ENTHD1: variants seen among roughly 807,000 people sequenced by gnomAD.
ENTHD1 encodes the protein ENTH domain-containing protein 1.
Under a neutral mutation model 39.1 loss-of-function variants are expected in ENTHD1, and 23 were observed. The ratio of observed to expected loss-of-function variants is 0.59; its 90% CI spans 0.42 to 0.83. The LOEUF is 0.83. Ranked by LOEUF, ENTHD1 falls within the 40% of genes least tolerant of loss-of-function variation. ENTHD1 has a pLI of 0.00. For synonymous variants in ENTHD1, 230 were observed against 258.2 expected, an observed-to-expected ratio of 0.89 and a Z score of 1.05; for missense variants, 624 against 705.4, an observed-to-expected ratio of 0.88 and a Z score of 1.31.
chr22:39,870,962 C>A (rs1412343229), intron 2 of ENTHD1, among the ~76,000 whole-genome samples: 1 of 151,898 alleles, frequency 6.6e-6, no homozygotes, highest in African/African-American at 2.4e-5. Flanking sequence ...CACTTGAGGC[C>A]AGGAGTTTGA....
At chr22:39,747,995 T>TCC (rs1429251508) in intron 6 of ENTHD1, among the ~76,000 whole-genome samples, 1 of 152,220 alleles carries the variant, frequency 6.6e-6, no homozygotes, top group Admixed American at 6.5e-5. Context: ...ACACCTGTAA[T>TCC]CCCAGCCCTT....
rs562698778 is a variant in ENTHD1 at position 39,799,489 on chromosome 22, G to A, written c.832+21504C>T. Among the ~76,000 whole-genome samples the A allele has an allele frequency of 1.1e-3, 161 of 152,238 alleles. 1 individual carries two copies. The highest frequency in any genetic ancestry group is 3.6e-3 in the African/African-American group (150 of 41,530). ...GTACACAGACACATTGAAAGGTGAG[G>A]AGGGCGGAATTTATTAAGTGAAAAG... On this transcript the variant is annotated intron_variant, in intron 5 of 6. Transcript: ENST00000325157.
At chr22:39,883,879 A>T (rs1286829626) in intron 2 of ENTHD1, among the ~76,000 whole-genome samples, 2 of 150,138 alleles carry the variant, frequency 1.3e-5, no homozygotes, top group Non-Finnish European at 3.0e-5. Context: ...AAAAAAAGAC[A>T]ATTCCATTTA....
intron 3 of ENTHD1, among the ~76,000 whole-genome samples, chr22:39,838,883 C>T (rs1447002156): frequency 6.6e-6 from 1 of 151,690 alleles, no homozygotes; most frequent in East Asian, 1.9e-4. Context: ...AAACATATGA[C>T]TTCAGAGAGA....
At chr22:39,852,214 C>T (rs1424754325) in intron 3 of ENTHD1, among the ~76,000 whole-genome samples, 9 of 151,112 alleles carry the variant, frequency 6.0e-5, no homozygotes, top group East Asian at 5.8e-4. Context: ...GGTGTGGTGG[C>T]GCATGCCTGC....
intron 6 of ENTHD1, among the ~76,000 whole-genome samples, chr22:39,745,542 G>A (rs1291436991): frequency 6.6e-6 from 1 of 152,138 alleles, no homozygotes; most frequent in Non-Finnish European, 1.5e-5. Context: ...ACTTTTTTGG[G>A]GATGAAATAT....
At chr22:39,869,282 A>G (rs2066217209) in intron 2 of ENTHD1, among the ~76,000 whole-genome samples, 5 of 152,224 alleles carry the variant, frequency 3.3e-5, no homozygotes, top group Admixed American at 2.0e-4. Flanking sequence ...CTATGCAGCC[A>G]TAAAAAAGAA....
In ENTHD1 at chr22:39,765,222, C is replaced by T; in HGVS notation, c.1219+1G>A. The T allele has an allele frequency of 1.3e-6, 2 of 1,587,918 alleles. No individual in the cohort carries two copies. The highest frequency in any genetic ancestry group is 1.7e-6 in the Non-Finnish European group (2 of 1,167,310). ...TGTGTGTGTGTGTTTGGCAGACTCACCCCGTGTGGTTGTCTTGAGGATTTT... is the reference window on the plus strand; with the variant it reads ...TGTGTGTGTGTGTTTGGCAGACTCATCCCGTGTGGTTGTCTTGAGGATTTT... On this transcript the variant is annotated splice_donor_variant, in intron 6 of 6. Transcript: ENST00000325157. LOFTEE classifies it high-confidence loss of function.
intron 2 of ENTHD1, among the ~76,000 whole-genome samples, chr22:39,883,395 A>G (rs926418770): frequency 2.0e-5 from 3 of 152,174 alleles, no homozygotes; most frequent in Non-Finnish European, 4.4e-5. Context: ...GTACAAATGC[A>G]TAAAAAGACA....
At chr22:39,866,913 T>G (rs1007697772) in intron 2 of ENTHD1, among the ~76,000 whole-genome samples, 6 of 152,208 alleles carry the variant, frequency 3.9e-5, no homozygotes, top group Non-Finnish European at 7.3e-5. Flanking sequence ...ACATACTTTT[T>G]TTTTTTTGAG....
At chr22:39,850,883 A>G (rs1281219298) in intron 3 of ENTHD1, among the ~76,000 whole-genome samples, 5 of 152,174 alleles carry the variant, frequency 3.3e-5, no homozygotes, top group South Asian at 2.1e-4. Flanking sequence ...TTAGATTTAT[A>G]TATCAAATGT....
intron 3 of ENTHD1, among the ~76,000 whole-genome samples, chr22:39,849,654 T>C (rs1377051818): frequency 6.6e-6 from 1 of 152,196 alleles, no homozygotes; most frequent in African/African-American, 2.4e-5. Context: ...TCAAGATTTT[T>C]GGCTATTATA....
At chr22:39,832,499 G>A (rs2065876828) in intron 4 of ENTHD1, among the ~76,000 whole-genome samples, 1 of 152,140 alleles carries the variant, frequency 6.6e-6, no homozygotes, top group Non-Finnish European at 1.5e-5. Flanking sequence ...ATATTTAACG[G>A]AAATTAAGCA....
intron 5 of ENTHD1, among the ~76,000 whole-genome samples, chr22:39,778,476 C>T (rs527447908): frequency 4.6e-5 from 7 of 152,268 alleles, no homozygotes; most frequent in Admixed American, 2.6e-4. Flanking sequence ...GTAAAAATCA[C>T]GTCTAAGTCT....
intron 5 of ENTHD1, among the ~76,000 whole-genome samples, chr22:39,819,494 A>C (rs1022228822): frequency 7.9e-5 from 12 of 152,166 alleles, no homozygotes; most frequent in Non-Finnish European, 1.5e-4. Context: ...AAAATCTAAA[A>C]ATCATACATA....
chr22:39,821,078 C>T lies in ENTHD1; in HGVS notation c.747G>A (p.Leu249=). Residue 249 remains leucine (L), a synonymous_variant, in exon 5 of 7, where the codon CTG becomes CTA. Coordinates refer to ENST00000325157, the MANE Select transcript of ENTHD1 (RefSeq NM_152512.4). ...LMTFLDDDPE[L]PLLATPPSIV... ...TGGAAGGAGGTGTTGCTAGTAAAGG[C>T]AGCTCTGGATCATCATCCAAAAATG... The T allele has an allele frequency of 1.9e-6, 3 of 1,614,060 alleles. No homozygotes were observed. Among genetic ancestry groups the T allele is most frequent in the Non-Finnish European group, 2.5e-6 (3 of 1,179,960 alleles).
chr22:39,798,965 C>T (rs913590679), intron 5 of ENTHD1, among the ~76,000 whole-genome samples: 2 of 152,192 alleles, frequency 1.3e-5, no homozygotes, highest in Admixed American at 1.3e-4. Context: ...CTCAGGCCCC[C>T]AGAGGGAATG....
At chr22:39,863,465 C>G (rs1047901922) in intron 2 of ENTHD1, among the ~76,000 whole-genome samples, 1 of 152,132 alleles carries the variant, frequency 6.6e-6, no homozygotes, top group African/African-American at 2.4e-5. Flanking sequence ...GGTGGTCTAT[C>G]TGGGCCTGAG....
At chr22:39,769,169 G>A (rs1011868563) in intron 5 of ENTHD1, among the ~76,000 whole-genome samples, 3 of 151,944 alleles carry the variant, frequency 2.0e-5, no homozygotes, top group African/African-American at 7.3e-5. Flanking sequence ...TTACCAGTTC[G>A]ATTTCACAGT....
Sources: allele counts gnomAD v4.1 joint callset (sites outside exome capture counted in the v4.1 genomes callset), GRCh38; gene constraint gnomAD v4.1.1; transcripts MANE v1.5; gene names NCBI Gene and HGNC (gene_info 2026-07-23, HGNC 2026-07-21).